The following KIF7 variants were observed in gnomAD, a reference collection of about 807,000 sequenced individuals.
KIF7 encodes kinesin family member 7.
A neutral mutation model predicts 135.7 loss-of-function variants in KIF7; 104 were observed. That is an observed-to-expected ratio of 0.77 (90% CI 0.65 to 0.90). The LOEUF is 0.90. KIF7 is among the 40% of genes least tolerant of loss of function. The probability of loss-of-function intolerance (pLI) is 0.00; values close to 1 mark genes in which losing one functional copy is unlikely to be tolerated. For missense variants in KIF7, 2,005 were observed against 1,839.1 expected (o/e 1.09, Z -1.65); for synonymous variants, 883 against 809.4 (o/e 1.09, Z -1.54).
At chr15:89,629,350 G>C in intron 17 of KIF7, 25 bp downstream of exon 17, 1 of 1,560,710 alleles carries the variant, frequency 6.4e-7, no homozygotes, top group Non-Finnish European at 8.6e-7. Context: ...GGCCGGGGTT[G>C]TGAGCCATGG....
At chr15:89,631,263 A>G (rs1305915293) in intron 15 of KIF7, among the ~76,000 whole-genome samples, 1 of 152,222 alleles carries the variant, frequency 6.6e-6, no homozygotes, top group Non-Finnish European at 1.5e-5. Context: ...CAGCCAGAAG[A>G]GAGCTGAGAG....
In KIF7 at chr15:89,633,045, C is replaced by T. The variant is rs1403267062; in HGVS notation, c.2719-49G>A. On this transcript the variant is annotated intron_variant, in intron 13 of 18. Transcript: ENST00000394412. ...GAGGGAACTCAGGGCCCACCTCTGGCTGTGTCAGCCGCCACTCGAGGTTCA... is the reference window on the plus strand; with the variant it reads ...GAGGGAACTCAGGGCCCACCTCTGGTTGTGTCAGCCGCCACTCGAGGTTCA... The T allele has an allele frequency of 1.9e-6, 3 of 1,594,232 alleles. No individual in the cohort carries two copies. In the South Asian group the frequency reaches 3.3e-5, roughly 18 times the overall value.
chr15:89,624,251 C>T (rs766049207), downstream of KIF7: 2 of 1,614,102 alleles, frequency 1.2e-6, no homozygotes, highest in African/African-American at 1.3e-5. Flanking sequence ...CTGTTTACCT[C>T]TCCTTTATGT....
Position 89,619,962 on chromosome 15 carries a change from T to C in KIF7, c.181-1767A>G, listed in dbSNP as rs1438896296. The C allele has an allele frequency of 8.0e-6, 10 of 1,256,456 alleles. No individual in the cohort carries two copies. In the Admixed American group the frequency reaches 2.3e-4, roughly 29 times the overall value. The allele number at this position is 1,256,456 out of a possible 1,614,324, so 77.8% of individuals were successfully genotyped here. On this transcript the variant is annotated intron_variant and NMD_transcript_variant, in intron 1 of 2. Transcript: ENST00000558928. Reference sequence around the variant, plus strand: ...TGACATTGGAGAAGTAGAATAGGTATGTCTAGTTGAGGTTCAGGGTGATGG... The same window carrying C: ...TGACATTGGAGAAGTAGAATAGGTACGTCTAGTTGAGGTTCAGGGTGATGG...
rs771441248 is a variant in KIF7 at position 89,633,859 on chromosome 15, T to C, written c.2419A>G (p.Thr807Ala). The change falls in exon 12 of 19, where the codon ACG becomes GCG. Residue 807 changes from threonine to alanine, a missense_variant. Transcript: ENST00000394412. ...VQVLKEKKQATERLVSLSAQS... is the reference protein window; with the variant it reads ...VQVLKEKKQAAERLVSLSAQS... ...GCCGACAGTGACACCAGCCGCTCCGTAGCCTGCTTCTTCTCCTTCAGCACC... is the reference window on the plus strand; with the variant it reads ...GCCGACAGTGACACCAGCCGCTCCGCAGCCTGCTTCTTCTCCTTCAGCACC... 6 of 1,613,734 alleles carry C rather than the reference T, an allele frequency of 3.7e-6. No individual in the cohort carries two copies. The highest frequency in any genetic ancestry group is 5.1e-6 in the Non-Finnish European group (6 of 1,180,044).
intron 17 of KIF7, 72 bp from the exon 18 acceptor site, chr15:89,629,194 GGGGCTGTGGGCTGGGT>G (rs2141993195): frequency 7.4e-6 from 2 of 269,256 alleles, no homozygotes; most frequent in Non-Finnish European, 1.2e-5. Context: ...TGTGGGGGTG[GGGGCTGTGGGCTGGGT>G]GGGGGCCGGG....
At position 89,646,887 on chromosome 15, in the gene KIF7, G is replaced by C; in HGVS notation, c.1731C>G (p.Gly577=). Residue 577 remains glycine, a synonymous_variant, in exon 7 of 19, where the codon GGC becomes GGG. Transcript: ENST00000394412. The part of the protein sequence containing the change: ...PLGGAHAHVL[G]MVPPACLPGD... ...CAGGGAGGCAGGCAGGCGGCACCAT[G>C]CCCAGCACATGGGCGTGGGCACCCC... The C allele has an allele frequency of 6.2e-7, 1 of 1,614,114 alleles. No homozygotes were observed. Among genetic ancestry groups the C allele is most frequent in the Non-Finnish European group, 8.5e-7 (1 of 1,180,024 alleles).
In KIF7 at chr15:89,621,982, CTTTTTTT is replaced by C. The variant is rs34123859; in HGVS notation, c.181-3794_181-3788del. 6.2e-4 allele frequency among the ~76,000 whole-genome samples: 54 copies of C among 87,744 alleles called. 2 individuals carry two copies. The highest frequency in any genetic ancestry group is 1.3e-4 in the Admixed American group (1 of 7,410). 57.6% of individuals were successfully genotyped at this position (87,744 alleles called of 152,430 possible). ...TGCCCATTTTATTTACAAACTGACT[CTTTTTTT>C]TTTTTTTTTTTTTTGGAGACAGAGT... On this transcript the variant is annotated intron_variant and NMD_transcript_variant, in intron 1 of 2. Coordinates refer to the KIF7 transcript ENST00000558928.
rs1332806438 is a variant in KIF7, at chr15:89,649,699, CT to C, written c.529+41del. The C allele has an allele frequency of 1.0e-5, 16 of 1,542,140 alleles. No homozygotes were observed. The Admixed American group carries it at 1.8e-4, about 17-fold the overall frequency. On this transcript the variant is annotated intron_variant, in intron 3 of 18. Transcript: ENST00000394412. ...TCCACTCCAAACAGGTGAAGCCCCC[CT>C]AAGCCCCTCTCCGTCAGTGGAGGAC...
chr15:89,649,867 C>G lies in KIF7; in HGVS notation c.403G>C (p.Asp135His). 1 of 1,551,798 alleles carries G rather than the reference C, an allele frequency of 6.4e-7. No individual in the cohort carries two copies. The highest frequency in any genetic ancestry group is 8.7e-7 in the Non-Finnish European group (1 of 1,147,006). ...ACATGTACCAGACAGTCAAGCAGGT[C>G]GTTCTCATCGATGAGCTTGAAGGCC... ...AEAFKLIDENDLLDCLVHVSY... is the reference protein window; with the variant it reads ...AEAFKLIDENHLLDCLVHVSY... Residue 135 changes from aspartate to histidine, a missense_variant, in exon 3 of 19, where the codon GAC becomes CAC. Coordinates refer to ENST00000394412, the MANE Select transcript of KIF7 (RefSeq NM_198525.3).
chr15:89,625,382 C>A (rs749490163), downstream of KIF7: 2 of 1,613,938 alleles, frequency 1.2e-6, no homozygotes, highest in South Asian at 2.2e-5. Context: ...AGGAAGAGGG[C>A]GGTGGGCTGT....
upstream of KIF7, chr15:89,655,516 A>T (rs1320541284): frequency 6.8e-6 from 1 of 147,590 alleles, no homozygotes; most frequent in African/African-American, 2.5e-5. Flanking sequence ...CCTCACCCGC[A>T]ACTCCGCCCG....
chr15:89,643,877 C>G (rs1424221713), intron 10 of KIF7, among the ~76,000 whole-genome samples: 1 of 113,250 alleles, frequency 8.8e-6, no homozygotes, highest in Non-Finnish European at 1.8e-5. Flanking sequence ...GAGTGAGACT[C>G]CGTCTCAGAA....
downstream of KIF7, among the ~76,000 whole-genome samples, chr15:89,626,286 C>A (rs753792809): frequency 1.1e-4 from 16 of 152,192 alleles, no homozygotes; most frequent in Non-Finnish European, 2.1e-4. Context: ...TTCCTCGGTC[C>A]TCCTGAAAAT....
chr15:89,634,223 C>T (rs1230516288), intron 11 of KIF7, among the ~76,000 whole-genome samples: 4 of 152,106 alleles, frequency 2.6e-5, no homozygotes, highest in African/African-American at 4.8e-5. Flanking sequence ...CACTTGAACC[C>T]GGGAGGCAGA....
chr15:89,633,988 G>A, intron 11 of KIF7, 105 bp from the exon 12 acceptor site: 3 of 1,181,658 alleles, frequency 2.5e-6, no homozygotes, highest in East Asian at 2.4e-5. Flanking sequence ...AAATGGGTAG[G>A]TGGGTGATAG....
intron 10 of KIF7, among the ~76,000 whole-genome samples, chr15:89,643,932 GA>G (rs1963966159): frequency 6.7e-6 from 1 of 148,570 alleles, no homozygotes; most frequent in African/African-American, 2.5e-5. Context: ...TAGGTGTGCT[GA>G]TGGTATTACA....
chr15:89,628,974 A>AC lies in KIF7; in HGVS notation c.3664+1dup. On this transcript the variant is annotated splice_donor_variant, in intron 18 of 18. Transcript: ENST00000394412. LOFTEE classifies it high-confidence loss of function. ...TGACTTCAGAGCGCGACGAGGAGTT[A>AC]CCCCTGCTGTGGCCTACAGCGTTCA... 1 of 1,613,508 alleles carries AC rather than the reference A, an allele frequency of 6.2e-7. No homozygotes were observed. Among genetic ancestry groups the AC allele is most frequent in the Non-Finnish European group, 8.5e-7 (1 of 1,179,904 alleles).
chr15:89,624,614 C>T, downstream of KIF7: 1 of 1,613,830 alleles, frequency 6.2e-7, no homozygotes, highest in Non-Finnish European at 8.5e-7. Flanking sequence ...CAGTCTCCTC[C>T]TGAAAGACGG....
Sources: allele counts gnomAD v4.1 joint callset (sites outside exome capture counted in the v4.1 genomes callset), GRCh38; gene constraint gnomAD v4.1.1; transcripts MANE v1.5; gene names NCBI Gene and HGNC (gene_info 2026-07-23, HGNC 2026-07-21).